SNX30: variants seen among roughly 807,000 people sequenced by gnomAD.
The protein encoded by SNX30 is sorting nexin-30.
In SNX30, 24 loss-of-function variants were observed where a neutral mutation model predicts 46.4. The observed-to-expected ratio is 0.52, with a 90% CI of 0.37 to 0.73. SNX30 has a LOEUF of 0.73. Among genes scored for constraint, SNX30 ranks in the 30% least tolerant of loss-of-function variants. The probability of loss-of-function intolerance (pLI) is 0.00; values close to 1 mark genes in which losing one functional copy is unlikely to be tolerated. For synonymous variants in SNX30, 189 were observed against 211.5 expected (o/e 0.89, Z 0.92); for missense variants, 533 against 555.7 (o/e 0.96, Z 0.41).
downstream of SNX30, chr9:112,879,875 G>T (rs1054344259): frequency 2.8e-5 from 42 of 1,497,122 alleles, no homozygotes; most frequent in Non-Finnish European, 3.9e-5. Context: ...GGGTAAAGGT[G>T]AAACTGCCCT....
downstream of SNX30, among the ~76,000 whole-genome samples, chr9:112,883,255 CAT>C (rs202043438): frequency 0.012 from 1,805 of 152,184 alleles, 16 homozygotes; most frequent in Non-Finnish European, 0.021. Flanking sequence ...GGAGGAAGAG[CAT>C]ATGTCAGCTC....
chr9:112,806,827 G>A (rs1356106096), intron 2 of SNX30, among the ~76,000 whole-genome samples: 1 of 152,024 alleles, frequency 6.6e-6, no homozygotes, highest in Non-Finnish European at 1.5e-5. Context: ...TCACACACAT[G>A]TATAGTTAGA....
In SNX30 at chr9:112,872,484, C is replaced by T. The variant is rs978220116; in HGVS notation, c.*3641C>T. On this transcript the variant is annotated 3_prime_UTR_variant, in exon 9 of 9. Coordinates refer to ENST00000374232, the MANE Select transcript of SNX30 (RefSeq NM_001012994.2). The stretch of plus-strand genomic sequence containing the variant: ...GAGGAAGAGGGAAGTCAAGAGCAAC[C>T]TCCAAGGCCTATGTCAGCCTCTTCT... 6.6e-6 allele frequency: 1 copy of T among 152,362 alleles called. No homozygotes were observed. The highest frequency in any genetic ancestry group is 2.4e-5 in the African/African-American group (1 of 41,438). The allele number at this position is 152,362 out of a possible 1,614,324, so 9.4% of individuals were successfully genotyped here.
At chr9:112,777,418 ATATTTATT>A (rs111364157) in intron 1 of SNX30, among the ~76,000 whole-genome samples, 123 of 150,658 alleles carry the variant, frequency 8.2e-4, no homozygotes, top group Admixed American at 7.1e-3. Context: ...CTTTTTAAAG[ATATTTATT>A]TATTTATTTA....
downstream of SNX30, among the ~76,000 whole-genome samples, chr9:112,883,647 G>T (rs1163821595): frequency 6.6e-6 from 1 of 151,220 alleles, no homozygotes; most frequent in Non-Finnish European, 1.5e-5. Context: ...AAGACAGGGA[G>T]ATTCTGTTGG....
At chr9:112,813,469 A>ATTT (rs34581439) in intron 2 of SNX30, among the ~76,000 whole-genome samples, 35,552 of 132,244 alleles carry the variant, frequency 0.27, 5,573 homozygotes, top group Middle Eastern at 0.4. Context: ...ACTGTATTTA[A>ATTT]TTTTTTTTTT....
chr9:112,776,581 C>G (rs1185375101), intron 1 of SNX30, among the ~76,000 whole-genome samples: 1 of 152,220 alleles, frequency 6.6e-6, no homozygotes, highest in Non-Finnish European at 1.5e-5. Context: ...CTGAGACTTG[C>G]TCTTCTGCTA....
At position 112,817,401 on chromosome 9, in the gene SNX30, C is replaced by CTTTTTTTTTTTTTTTTTTTTTTTTTT. The variant is rs56856142; in HGVS notation, c.349-299_349-274dup. Among the ~76,000 whole-genome samples the CTTTTTTTTTTTTTTTTTTTTTTTTTT allele has an allele frequency of 5.3e-4, 25 of 46,836 alleles. 5 individuals carry two copies. The highest frequency in any genetic ancestry group is 6.4e-4 in the Non-Finnish European group (19 of 29,850). 30.7% of individuals were successfully genotyped at this position (46,836 alleles called of 152,430 possible). On this transcript the variant is annotated intron_variant, in intron 2 of 8. Coordinates refer to ENST00000374232, the MANE Select transcript of SNX30 (RefSeq NM_001012994.2). ...CGGTAGGGAAAAAAAAAAAAACTGGCTTTTTTTTTTTTTTTTTTTTTTTTT... is the reference window on the plus strand; with the variant it reads ...CGGTAGGGAAAAAAAAAAAAACTGGCTTTTTTTTTTTTTTTTTTTTTTTTTTTTTTTTTTTTTTTTTTTTTTTTTTT...
chr9:112,786,812 C>T (rs787270), intron 1 of SNX30, among the ~76,000 whole-genome samples: 134,213 of 152,212 alleles, frequency 0.88, 59,395 homozygotes, highest in Middle Eastern at 0.93. Context: ...CCCTTCTTGC[C>T]TTTTTAAAAT....
intron 1 of SNX30, among the ~76,000 whole-genome samples, chr9:112,758,850 AACACACAC>A (rs141854849): frequency 3.3e-5 from 5 of 150,144 alleles, no homozygotes; most frequent in African/African-American, 2.4e-5. Flanking sequence ...GTCTCTGTTA[AACACACAC>A]ACACACACAC....
At chr9:112,862,705 C>A (rs1841257254) in intron 7 of SNX30, among the ~76,000 whole-genome samples, 1 of 151,872 alleles carries the variant, frequency 6.6e-6, no homozygotes, top group African/African-American at 2.4e-5. Flanking sequence ...AGTTCGAGAC[C>A]AGCCTGGACA....
chr9:112,843,787 G>A (rs1840895569), intron 6 of SNX30, among the ~76,000 whole-genome samples: 1 of 152,060 alleles, frequency 6.6e-6, no homozygotes, highest in African/African-American at 2.4e-5. Context: ...GCTAATTTTT[G>A]TATTTTTAGT....
At chr9:112,806,190 C>T (rs1840222080) in intron 2 of SNX30, among the ~76,000 whole-genome samples, 1 of 152,096 alleles carries the variant, frequency 6.6e-6, no homozygotes, top group Non-Finnish European at 1.5e-5. Context: ...GTTGTGACAA[C>T]CAAAAATGTC....
chr9:112,821,148 T>C (rs1564280563), intron 3 of SNX30, among the ~76,000 whole-genome samples: 1 of 152,202 alleles, frequency 6.6e-6, no homozygotes, highest in Admixed American at 6.5e-5. Flanking sequence ...CCACACGCGA[T>C]GTATAGGAGT....
intron 1 of SNX30, among the ~76,000 whole-genome samples, chr9:112,773,557 T>C (rs1310702619): frequency 3.3e-5 from 5 of 152,198 alleles, no homozygotes; most frequent in Admixed American, 6.5e-5. Context: ...AATAGGTGCA[T>C]CTTGAGGTGT....
chr9:112,834,847 CA>C, intron 4 of SNX30, among the ~76,000 whole-genome samples: 1 of 56,970 alleles, frequency 1.8e-5, no homozygotes, highest in Admixed American at 1.9e-4. Flanking sequence ...CACACAAACA[CA>C]CACACACACA....
intron 1 of SNX30, among the ~76,000 whole-genome samples, chr9:112,761,742 C>T (rs987245374): frequency 4.6e-5 from 7 of 152,084 alleles, no homozygotes; most frequent in Admixed American, 3.3e-4. Flanking sequence ...GACGTGGACA[C>T]GGTTTCAAGT....
chr9:112,830,819 A>G lies in SNX30; in HGVS notation c.554A>G (p.Lys185Arg). The change falls in exon 4 of 9, where the codon AAA becomes AGA. Residue 185 changes from lysine (K) to arginine (R), a missense_variant. By Grantham distance (26) the Lys-to-Arg change is conservative. Transcript: ENST00000374232. ...TRRKALDKFL[K>R]RITDHPVLSF... ...AGAAAAGCTTTGGATAAATTTCTAA[A>G]AAGAATTACGGACCATCCTGTGCTG... The G allele has an allele frequency of 6.2e-7, 1 of 1,614,144 alleles. No homozygotes were observed. The highest frequency in any genetic ancestry group is 8.5e-7 in the Non-Finnish European group (1 of 1,180,014).
intron 3 of SNX30, among the ~76,000 whole-genome samples, chr9:112,824,315 G>A (rs189852767): frequency 6.2e-5 from 8 of 128,548 alleles, no homozygotes; most frequent in Non-Finnish European, 1.4e-4. Context: ...ATGGATTATT[G>A]TAATACTTTG....
Sources: allele counts gnomAD v4.1 joint callset (sites outside exome capture counted in the v4.1 genomes callset), GRCh38; gene constraint gnomAD v4.1.1; transcripts MANE v1.5; gene names NCBI Gene and HGNC (gene_info 2026-07-23, HGNC 2026-07-21).